CSMD1: variants seen among roughly 807,000 people sequenced by gnomAD.
The protein encoded by CSMD1 is CUB and sushi domain-containing protein 1.
CSMD1 carries 213 observed loss-of-function variants against 417.5 expected under a neutral mutation model. The ratio of observed to expected loss-of-function variants is 0.51; its 90% CI spans 0.46 to 0.57. The LOEUF (loss-of-function observed/expected upper bound fraction) is 0.57. Ranked by LOEUF, CSMD1 falls within the 20% of genes least tolerant of loss-of-function variation. The pLI is 0.00. For synonymous variants in CSMD1, 2,862 were observed against 1,736.8 expected (o/e 1.65, Z -16.11); for missense variants, 6,923 against 4,529.7 (o/e 1.53, Z -15.17).
chr8:3,478,010 A>T (rs1346375286), intron 11 of CSMD1, among the ~76,000 whole-genome samples: 1 of 152,204 alleles, frequency 6.6e-6, no homozygotes, highest in East Asian at 1.9e-4. Flanking sequence ...TTAAAACTGA[A>T]GATAATTCAT....
At chr8:4,911,929 T>C (rs1026987704) in intron 1 of CSMD1, among the ~76,000 whole-genome samples, 1 of 151,938 alleles carries the variant, frequency 6.6e-6, no homozygotes, top group Non-Finnish European at 1.5e-5. Flanking sequence ...GCAACATATT[T>C]TAGCTTGTAC....
intron 3 of CSMD1, among the ~76,000 whole-genome samples, chr8:4,180,056 G>C (rs1174608291): frequency 6.6e-6 from 1 of 152,094 alleles, no homozygotes; most frequent in Non-Finnish European, 1.5e-5. Context: ...AATACCATTT[G>C]ACCCAGCCAT....
intron 5 of CSMD1, among the ~76,000 whole-genome samples, chr8:3,887,276 C>T (rs1385755513): frequency 6.6e-6 from 1 of 152,166 alleles, no homozygotes; most frequent in Non-Finnish European, 1.5e-5. Flanking sequence ...ACACAACCAC[C>T]TGGGAGGCCC....
At chr8:3,474,452 T>C (rs1239953964) in intron 11 of CSMD1, among the ~76,000 whole-genome samples, 5 of 152,072 alleles carry the variant, frequency 3.3e-5, no homozygotes, top group East Asian at 1.9e-4. Context: ...TGCACCCCTA[T>C]GAATGTCACT....
chr8:3,021,919 A>ACCTG (rs1809446349), intron 51 of CSMD1, among the ~76,000 whole-genome samples: 3 of 136,400 alleles, frequency 2.2e-5, no homozygotes, highest in African/African-American at 5.6e-5. Flanking sequence ...TCCAGAATGC[A>ACCTG]CAATCCCACA....
At chr8:4,941,043 GTTA>G (rs1348611801) in intron 1 of CSMD1, among the ~76,000 whole-genome samples, 3 of 152,062 alleles carry the variant, frequency 2.0e-5, no homozygotes, top group African/African-American at 2.4e-5. Context: ...TTTCATTTCT[GTTA>G]TTATTTTTGT....
At position 4,157,209 on chromosome 8, in the gene CSMD1, A is replaced by T. The variant is rs56668109; in HGVS notation, c.416-125110T>A. ...TGACGATGTATGAAATTTACATTTC[A>T]GTGTCCACAGAAGGAGTTTATAAGA... On this transcript the variant is annotated intron_variant, in intron 3 of 69. Transcript: ENST00000635120. Among the ~76,000 whole-genome samples, 399 of 152,324 alleles carry T rather than the reference A, an allele frequency of 2.6e-3. 1 individual carries two copies. The highest frequency in any genetic ancestry group is 0.014 in the Middle Eastern group (4 of 294).
chr8:3,743,637 G>A (rs1264855123), intron 6 of CSMD1, among the ~76,000 whole-genome samples: 11 of 152,136 alleles, frequency 7.2e-5, no homozygotes, highest in African/African-American at 2.6e-4. Context: ...TCCCCTTTTT[G>A]GTTCCTAAAT....
intron 3 of CSMD1, among the ~76,000 whole-genome samples, chr8:4,173,408 G>A (rs1246796360): frequency 3.3e-5 from 5 of 152,070 alleles, no homozygotes; most frequent in South Asian, 2.1e-4. Flanking sequence ...TGCATTTAAC[G>A]TGGTGACTAC....
At chr8:4,392,256 A>C (rs866006732) in intron 3 of CSMD1, among the ~76,000 whole-genome samples, 1 of 152,196 alleles carries the variant, frequency 6.6e-6, no homozygotes, top group African/African-American at 2.4e-5. Context: ...TATAAACTGA[A>C]GAGTTATTTG....
At position 4,071,766 on chromosome 8, in the gene CSMD1, T is replaced by A. The variant is rs548377428; in HGVS notation, c.416-39667A>T. Among the ~76,000 whole-genome samples, 29 of 152,356 alleles carry A rather than the reference T, an allele frequency of 1.9e-4. No individual in the cohort carries two copies. The East Asian group carries it at 4.6e-3, about 24-fold the overall frequency. On this transcript the variant is annotated intron_variant, in intron 3 of 69. Coordinates refer to ENST00000635120, the MANE Select transcript of CSMD1 (RefSeq NM_033225.6). ...TATATTTATTTCGTCTTTGGGGTTT[T>A]ATTTTTTATTCCTTGGCAGGAAATT...
At chr8:4,154,507 G>C (rs1796728226) in intron 3 of CSMD1, among the ~76,000 whole-genome samples, 1 of 152,138 alleles carries the variant, frequency 6.6e-6, no homozygotes, top group Non-Finnish European at 1.5e-5. Context: ...ACTGTGTGCA[G>C]ACAAGAGCCA....
chr8:4,187,506 T>G (rs918919862), intron 3 of CSMD1, among the ~76,000 whole-genome samples: 2 of 151,874 alleles, frequency 1.3e-5, no homozygotes, highest in African/African-American at 2.4e-5. Context: ...TCAGCCTGGG[T>G]GGTGGCACAT....
intron 5 of CSMD1, among the ~76,000 whole-genome samples, chr8:3,797,240 A>T (rs906340502): frequency 6.6e-6 from 1 of 151,982 alleles, no homozygotes; most frequent in African/African-American, 2.4e-5. Context: ...TCTATTTTCA[A>T]ACTCAAGTGG....
intron 26 of CSMD1, among the ~76,000 whole-genome samples, chr8:3,242,617 T>C (rs1286011472): frequency 6.6e-6 from 1 of 151,960 alleles, no homozygotes; most frequent in Admixed American, 6.6e-5. Flanking sequence ...GCATTTAGGT[T>C]TTAGGTCAGG....
intron 3 of CSMD1, among the ~76,000 whole-genome samples, chr8:4,252,284 T>G (rs1179560373): frequency 6.6e-6 from 1 of 152,234 alleles, no homozygotes; most frequent in Non-Finnish European, 1.5e-5. Context: ...GTGAGTTGTC[T>G]TCTGTCATGC....
intron 7 of CSMD1, among the ~76,000 whole-genome samples, chr8:3,705,672 T>A (rs1801127627): frequency 2.0e-5 from 3 of 152,190 alleles, no homozygotes; most frequent in African/African-American, 7.2e-5. Flanking sequence ...TTTCCATAAA[T>A]CTTCTGTCAT....
intron 7 of CSMD1, among the ~76,000 whole-genome samples, chr8:3,674,320 T>G (rs970535095): frequency 3.9e-5 from 6 of 152,194 alleles, no homozygotes; most frequent in Non-Finnish European, 8.8e-5. Flanking sequence ...TCTTTGAACT[T>G]ACCATGTAAA....
At chr8:3,088,128 G>T (rs1007667424) in intron 48 of CSMD1, among the ~76,000 whole-genome samples, 2 of 152,074 alleles carry the variant, frequency 1.3e-5, no homozygotes, top group African/African-American at 2.4e-5. Context: ...CTCTTTGTAA[G>T]GAGACATTTT....
Sources: gnomAD v4.1 joint callset for allele counts (sites outside exome capture counted in the v4.1 genomes callset) on GRCh38, gnomAD v4.1.1 for gene constraint, MANE v1.5 for transcripts, NCBI Gene and HGNC (gene_info 2026-07-23, HGNC 2026-07-21) for gene names.